Variants in PRKG1 observed in about 807,000 individuals in gnomAD.
PRKG1 encodes cGMP-dependent protein kinase 1.
In PRKG1, 35 loss-of-function variants were observed where a neutral mutation model predicts 88.1. The observed-to-expected ratio is 0.40, with a 90% CI of 0.30 to 0.53. The LOEUF is 0.53. PRKG1 is among the 20% of genes least tolerant of loss of function. PRKG1 has a pLI of 0.59. For missense variants in PRKG1, 540 were observed against 839.8 expected (o/e 0.64, Z 4.41); for synonymous variants, 303 against 292.5 (o/e 1.04, Z -0.37).
intron 2 of PRKG1, among the ~76,000 whole-genome samples, chr10:51,219,457 C>T (rs529318541): frequency 6.6e-6 from 1 of 152,170 alleles, no homozygotes; most frequent in South Asian, 2.1e-4. Flanking sequence ...CACCTGTAAT[C>T]CCAGCACTTC....
chr10:51,006,592 C>T (rs752606478), intron 1 of PRKG1, among the ~76,000 whole-genome samples: 3 of 152,176 alleles, frequency 2.0e-5, no homozygotes, highest in Non-Finnish European at 2.9e-5. Flanking sequence ...ACCCTATTTT[C>T]GGAGTAATTT....
chr10:52,021,074 A>G (rs191902187), intron 5 of PRKG1, among the ~76,000 whole-genome samples: 368 of 152,232 alleles, frequency 2.4e-3, no homozygotes, highest in African/African-American at 8.6e-3. Flanking sequence ...CCTGTAACAA[A>G]CTTACAAGCA....
At chr10:51,066,558 T>A (rs1472261769) in intron 1 of PRKG1, among the ~76,000 whole-genome samples, 2 of 152,168 alleles carry the variant, frequency 1.3e-5, no homozygotes, top group Non-Finnish European at 2.9e-5. Flanking sequence ...TTAAATTGTC[T>A]AACTGACTTT....
chr10:51,289,855 G>C (rs761712907), intron 2 of PRKG1, among the ~76,000 whole-genome samples: 18 of 152,064 alleles, frequency 1.2e-4, no homozygotes, highest in Non-Finnish European at 1.8e-4. Flanking sequence ...TGGCCTTAAG[G>C]GTGCTTTAAC....
At chr10:52,293,125 A>G (rs2132468034) in intron 17 of PRKG1, among the ~76,000 whole-genome samples, 1 of 149,666 alleles carries the variant, frequency 6.7e-6, no homozygotes. Flanking sequence ...TAACAGACAA[A>G]CAGAGAGCCA....
chr10:51,101,733 G>T (rs955860776), intron 1 of PRKG1, among the ~76,000 whole-genome samples: 1 of 152,128 alleles, frequency 6.6e-6, no homozygotes, highest in African/African-American at 2.4e-5. Flanking sequence ...AGCTGAAAAG[G>T]ATGGAAGAGA....
intron 9 of PRKG1, among the ~76,000 whole-genome samples, chr10:52,202,034 G>A (rs1166885677): frequency 2.0e-5 from 3 of 151,922 alleles, no homozygotes; most frequent in Non-Finnish European, 4.4e-5. Flanking sequence ...TTCCTATTTG[G>A]ATGCCTTTCA....
At position 51,699,577 on chromosome 10, in the gene PRKG1, C is replaced by A. The variant is rs752819496; in HGVS notation, c.593-105008C>A. 3.2e-6 allele frequency: 5 copies of A among 1,583,536 alleles called. No individual in the cohort carries two copies. In the South Asian group the frequency reaches 5.7e-5, roughly 18 times the overall value. On this transcript the variant is annotated intron_variant, in intron 3 of 17. Coordinates refer to ENST00000373980, the MANE Select transcript of PRKG1 (RefSeq NM_006258.4). ...TTCCGGTTGTGCAGACAGCCGATAGCGGATTCTTCGAGGCGTCTGTCCTCT... is the reference window on the plus strand; with the variant it reads ...TTCCGGTTGTGCAGACAGCCGATAGAGGATTCTTCGAGGCGTCTGTCCTCT...
chr10:52,233,678 C>A (rs1331266949), intron 9 of PRKG1, among the ~76,000 whole-genome samples: 1 of 141,134 alleles, frequency 7.1e-6, no homozygotes, highest in East Asian at 2.2e-4. Context: ...CACGGAATCT[C>A]GCTGATTGCT....
intron 7 of PRKG1, among the ~76,000 whole-genome samples, chr10:52,097,713 A>AT (rs1242793038): frequency 6.6e-6 from 1 of 151,982 alleles, no homozygotes; most frequent in Admixed American, 6.6e-5. Flanking sequence ...GTATCATTAC[A>AT]TCCTAAAGCT....
At chr10:52,171,703 T>G (rs1386602609) in intron 9 of PRKG1, among the ~76,000 whole-genome samples, 2 of 107,860 alleles carry the variant, frequency 1.9e-5, no homozygotes, top group Non-Finnish European at 3.6e-5. Flanking sequence ...GCAGTGAGAC[T>G]GATTCAGTTG....
At chr10:52,192,024 A>G (rs1589689015) in intron 9 of PRKG1, among the ~76,000 whole-genome samples, 1 of 152,184 alleles carries the variant, frequency 6.6e-6, no homozygotes, top group African/African-American at 2.4e-5. Flanking sequence ...TTTTCAGAGT[A>G]AGTAATTGGA....
At chr10:52,213,913 C>T (rs1162943101) in intron 9 of PRKG1, among the ~76,000 whole-genome samples, 1 of 152,132 alleles carries the variant, frequency 6.6e-6, no homozygotes, top group East Asian at 1.9e-4. Flanking sequence ...ATAACACTGC[C>T]TAGAAATCTT....
At position 51,010,405 on chromosome 10, in the gene PRKG1, A is replaced by G. The variant is rs150277500; in HGVS notation, c.266+18761A>G. On this transcript the variant is annotated intron_variant, in intron 1 of 17. Transcript: ENST00000401604. The stretch of plus-strand genomic sequence containing the variant: ...GTGATTTATAACCCTATTTCAGACA[A>G]TGCTTTCCTTTTCATACCAGATATT... 9.8e-3 allele frequency among the ~76,000 whole-genome samples: 1,487 copies of G among 152,286 alleles called. 9 individuals are homozygous for G. The highest frequency in any genetic ancestry group is 0.015 in the Non-Finnish European group (1,013 of 68,018).
chr10:51,165,156 G>A (rs1422020274), intron 2 of PRKG1, among the ~76,000 whole-genome samples: 3 of 152,124 alleles, frequency 2.0e-5, no homozygotes, highest in East Asian at 1.9e-4. Context: ...GAGAAAGGTC[G>A]GGTTACCCAC....
At chr10:51,469,614 T>C (rs1271131551) in intron 3 of PRKG1, among the ~76,000 whole-genome samples, 1 of 151,894 alleles carries the variant, frequency 6.6e-6, no homozygotes, top group Non-Finnish European at 1.5e-5. Flanking sequence ...ATAGACACTG[T>C]GAATCTAATT....
chr10:52,047,649 T>A (rs1845893576), intron 5 of PRKG1, among the ~76,000 whole-genome samples: 1 of 152,114 alleles, frequency 6.6e-6, no homozygotes, highest in African/African-American at 2.4e-5. Context: ...TCAAGAAATG[T>A]CTTGCTGGTT....
At chr10:51,999,598 T>A (rs1047590718) in intron 5 of PRKG1, among the ~76,000 whole-genome samples, 2 of 152,174 alleles carry the variant, frequency 1.3e-5, no homozygotes, top group African/African-American at 2.4e-5. Context: ...TAAACAGAAC[T>A]AAGGTGGCTT....
At chr10:50,996,421 A>G (rs1842837671) in intron 1 of PRKG1, among the ~76,000 whole-genome samples, 1 of 152,246 alleles carries the variant, frequency 6.6e-6, no homozygotes, top group African/African-American at 2.4e-5. Context: ...AAATAGGAAG[A>G]AATGAACCTT....
Sources: allele counts gnomAD v4.1 joint callset (sites outside exome capture counted in the v4.1 genomes callset), GRCh38; gene constraint gnomAD v4.1.1; transcripts MANE v1.5; gene names NCBI Gene and HGNC (gene_info 2026-07-23, HGNC 2026-07-21).